Variants in GPM6A observed in about 807,000 individuals in gnomAD.
The protein encoded by GPM6A is glycoprotein M6A.
In GPM6A, 7 loss-of-function variants were observed where a neutral mutation model predicts 32.1. The observed-to-expected ratio is 0.22, with a 90% CI of 0.12 to 0.41. The LOEUF (loss-of-function observed/expected upper bound fraction) is 0.41. GPM6A is among the 10% of genes least tolerant of loss of function. The pLI, the probability that GPM6A is intolerant of heterozygous loss-of-function variation, is 1.00. For synonymous variants in GPM6A, 130 were observed against 123.4 expected, an observed-to-expected ratio of 1.05 and a Z score of -0.35; for missense variants, 235 against 347.2, an observed-to-expected ratio of 0.68 and a Z score of 2.57.
intron 1 of GPM6A, among the ~76,000 whole-genome samples, chr4:176,001,111 G>C (rs1741462264): frequency 6.6e-6 from 1 of 152,136 alleles, no homozygotes; most frequent in South Asian, 2.1e-4. Context: ...GTTGGCTACT[G>C]TCTATAAACT....
intron 1 of GPM6A, among the ~76,000 whole-genome samples, chr4:175,831,842 C>T (rs1735625409): frequency 6.6e-6 from 1 of 151,466 alleles, no homozygotes; most frequent in African/African-American, 2.4e-5. Flanking sequence ...CCTCAGCCTC[C>T]CGAGTAGCTG....
chr4:175,748,467 C>A (rs1395501188), intron 1 of GPM6A, among the ~76,000 whole-genome samples: 1 of 152,144 alleles, frequency 6.6e-6, no homozygotes. Flanking sequence ...TCAGAGCACT[C>A]GGGTGACAAA....
chr4:175,855,315 A>G (rs1343206704), intron 1 of GPM6A, among the ~76,000 whole-genome samples: 11 of 152,234 alleles, frequency 7.2e-5, no homozygotes, highest in Admixed American at 4.6e-4. Flanking sequence ...AAATGTTCAA[A>G]AGTTCAGTTT....
chr4:175,855,973 C>T (rs1180736929), intron 1 of GPM6A, among the ~76,000 whole-genome samples: 1 of 152,116 alleles, frequency 6.6e-6, no homozygotes, highest in African/African-American at 2.4e-5. Context: ...ATACCACTCA[C>T]CAACAGAAGG....
At chr4:175,658,418 G>T (rs985628220) in intron 3 of GPM6A, among the ~76,000 whole-genome samples, 2 of 152,158 alleles carry the variant, frequency 1.3e-5, no homozygotes, top group Admixed American at 1.3e-4. Context: ...CAAGTGTAGG[G>T]GGGGTGAGAG....
chr4:175,982,241 T>C (rs1561022097), intron 1 of GPM6A, among the ~76,000 whole-genome samples: 1 of 152,158 alleles, frequency 6.6e-6, no homozygotes, highest in Admixed American at 6.5e-5. Context: ...ACAAAATAAG[T>C]GTCTTCCATT....
intron 1 of GPM6A, among the ~76,000 whole-genome samples, chr4:175,958,364 T>C (rs1473316556): frequency 6.6e-6 from 1 of 152,266 alleles, no homozygotes; most frequent in Non-Finnish European, 1.5e-5. Context: ...CCACTGTTGA[T>C]TCAGAGGCAT....
intron 1 of GPM6A, among the ~76,000 whole-genome samples, chr4:175,901,485 T>C (rs1737964454): frequency 6.6e-6 from 1 of 151,868 alleles, no homozygotes; most frequent in Admixed American, 6.6e-5. Flanking sequence ...GATTATAACA[T>C]TAGAGTAGCT....
chr4:175,957,160 A>G (rs1740013709), intron 1 of GPM6A, among the ~76,000 whole-genome samples: 1 of 152,192 alleles, frequency 6.6e-6, no homozygotes, highest in South Asian at 2.1e-4. Context: ...AGGCTGGCAA[A>G]TGAAGTTACA....
At chr4:175,878,275 C>T (rs1444931514) in intron 1 of GPM6A, among the ~76,000 whole-genome samples, 1 of 152,202 alleles carries the variant, frequency 6.6e-6, no homozygotes, top group African/African-American at 2.4e-5. Flanking sequence ...TCTCACAGAT[C>T]CACTAGTCAG....
intron 1 of GPM6A, among the ~76,000 whole-genome samples, chr4:175,761,389 G>A (rs957186541): frequency 6.6e-6 from 1 of 152,148 alleles, no homozygotes; most frequent in Non-Finnish European, 1.5e-5. Flanking sequence ...ACCGGGCCCA[G>A]CCTAGTGCAA....
intron 1 of GPM6A, among the ~76,000 whole-genome samples, chr4:175,738,024 A>T (rs1283714062): frequency 6.8e-6 from 1 of 146,664 alleles, no homozygotes; most frequent in African/African-American, 2.5e-5. Flanking sequence ...TGCAACCTCC[A>T]CCTCCTGGAT....
Position 175,764,150 on chromosome 4 carries a change from C to A in GPM6A, c.37+48041G>T, listed in dbSNP as rs1359582617. Among the ~76,000 whole-genome samples, 4 of 152,118 alleles carry A rather than the reference C, an allele frequency of 2.6e-5. No homozygotes were observed. In the East Asian group the frequency reaches 7.7e-4, roughly 29 times the overall value. ...ATCATCCCAAAAGAAAATTTTGTAT[C>A]CATTAAGCAGTCCTGCCTCAGTTCC... On this transcript the variant is annotated intron_variant, in intron 1 of 6. Coordinates refer to ENST00000393658, the MANE Select transcript of GPM6A (RefSeq NM_201591.3).
intron 1 of GPM6A, among the ~76,000 whole-genome samples, chr4:175,919,177 T>C (rs1172343144): frequency 6.6e-6 from 1 of 152,126 alleles, no homozygotes; most frequent in Non-Finnish European, 1.5e-5. Context: ...AACTCAACCC[T>C]TCTCATGATT....
chr4:175,702,871 T>G (rs1579403404), intron 1 of GPM6A, among the ~76,000 whole-genome samples: 1 of 152,220 alleles, frequency 6.6e-6, no homozygotes, highest in Non-Finnish European at 1.5e-5. Context: ...TCAGTACTCC[T>G]ATATGATATT....
rs190495843 is a variant in GPM6A at position 175,986,688 on chromosome 4, A to G, written c.-23+15621T>C. ...CATATTTTTCATCTCCATTGCTGCT[A>G]GAATGATCGTTTTAAGTGAACAATT... is the stretch of plus-strand genomic sequence containing the variant. On this transcript the variant is annotated intron_variant, in intron 1 of 7. Transcript: ENST00000280187. Among the ~76,000 whole-genome samples, 133 of 152,338 alleles carry G rather than the reference A, an allele frequency of 8.7e-4. 2 individuals are homozygous for G. Among genetic ancestry groups the G allele is most frequent in the African/African-American group, 3.1e-3 (128 of 41,582 alleles).
At chr4:175,635,111 C>T in intron 6 of GPM6A, 54 bp from the exon 7 acceptor site, 1 of 1,340,862 alleles carries the variant, frequency 7.5e-7, no homozygotes, top group Non-Finnish European at 1.1e-6. Flanking sequence ...GTCTTCATTA[C>T]ACCTTGCTAT....
rs547617325 is a variant in GPM6A, at chr4:175,945,176, GA to G, written c.-23+57132del. Among the ~76,000 whole-genome samples, 72 of 152,214 alleles carry G rather than the reference GA, an allele frequency of 4.7e-4. 1 individual carries two copies. The East Asian group carries it at 0.011, about 23-fold the overall frequency. On this transcript the variant is annotated intron_variant, in intron 1 of 7. Coordinates refer to the GPM6A transcript ENST00000280187. ...CTCACTACGGAAAACAAAGCAGAAT[GA>G]AACAATATAAATTTCAGAAAAACAA...
chr4:175,831,769 G>A lies in GPM6A; in HGVS notation c.-22-19520C>T, dbSNP rs984707774. On this transcript the variant is annotated intron_variant, in intron 1 of 7. Transcript: ENST00000280187. ...AGGTTCACTTTTGTCGCCCAGGCTG[G>A]AGTGCGCTATCTTAGCTCTTGGCTC... Among the ~76,000 whole-genome samples the A allele has an allele frequency of 3.6e-5, 5 of 139,838 alleles. No individual in the cohort carries two copies. In the East Asian group the frequency reaches 8.2e-4, roughly 23 times the overall value. 91.7% of individuals were successfully genotyped at this position (139,838 alleles called of 152,430 possible).
Sources: gnomAD v4.1 joint callset for allele counts (sites outside exome capture counted in the v4.1 genomes callset) on GRCh38, gnomAD v4.1.1 for gene constraint, MANE v1.5 for transcripts, NCBI Gene and HGNC (gene_info 2026-07-23, HGNC 2026-07-21) for gene names.